The following MLIP variants were observed in gnomAD, a reference collection of about 807,000 sequenced individuals.
The protein encoded by MLIP is muscular LMNA interacting protein, also known as muscular LMNA-interacting protein.
In MLIP, 79 loss-of-function variants were observed where a neutral mutation model predicts 84.8. The observed-to-expected ratio is 0.93, with a 90% CI of 0.78 to 1.12. The LOEUF is 1.12. Among genes scored for constraint, MLIP ranks in the 50% most tolerant of loss-of-function variants. The probability of loss-of-function intolerance (pLI) is 0.00; values close to 1 mark genes in which losing one functional copy is unlikely to be tolerated. For synonymous variants in MLIP, 504 were observed against 463.0 expected, an observed-to-expected ratio of 1.09 and a Z score of -1.14; for missense variants, 1,257 against 1,160.6, an observed-to-expected ratio of 1.08 and a Z score of -1.21.
intron 9 of MLIP, among the ~76,000 whole-genome samples, chr6:54,171,173 G>T (rs1775735595): frequency 1.3e-5 from 2 of 151,488 alleles, no homozygotes; most frequent in Admixed American, 6.6e-5. Flanking sequence ...TCCATAGTTA[G>T]AAATTATTTC....
chr6:54,025,234 G>A (rs1763732759), intron 1 of MLIP, among the ~76,000 whole-genome samples: 2 of 152,170 alleles, frequency 1.3e-5, no homozygotes, highest in South Asian at 4.2e-4. Flanking sequence ...TTGGTAACAG[G>A]CACTCACTCA....
At chr6:54,148,540 C>A (rs1005449120) in intron 4 of MLIP, among the ~76,000 whole-genome samples, 1 of 152,056 alleles carries the variant, frequency 6.6e-6, no homozygotes, top group Non-Finnish European at 1.5e-5. Flanking sequence ...AAATTATTGA[C>A]TACTTTGCTG....
intron 12 of MLIP, among the ~76,000 whole-genome samples, chr6:54,238,066 T>C (rs1410136255): frequency 6.6e-6 from 1 of 152,186 alleles, no homozygotes; most frequent in Non-Finnish European, 1.5e-5. Context: ...TTTTTTTATC[T>C]TTGAAGGTAG....
At chr6:54,256,241 C>T (rs540741951) in intron 12 of MLIP, among the ~76,000 whole-genome samples, 169 of 152,114 alleles carry the variant, frequency 1.1e-3, no homozygotes, top group Non-Finnish European at 2.1e-3. Flanking sequence ...TCTGTTGGAA[C>T]AAAGGGAAAC....
intron 9 of MLIP, among the ~76,000 whole-genome samples, chr6:54,177,121 C>G (rs1776369303): frequency 6.6e-6 from 1 of 152,070 alleles, no homozygotes; most frequent in South Asian, 2.1e-4. Context: ...CTAGGCAATA[C>G]CATTCAGGAC....
intron 1 of MLIP, among the ~76,000 whole-genome samples, chr6:54,086,377 C>T (rs776988794): frequency 1.8e-4 from 28 of 152,274 alleles, no homozygotes; most frequent in Middle Eastern, 3.4e-3. Flanking sequence ...TCTTACCCCA[C>T]CTATTTATGT....
chr6:54,174,320 T>C (rs1776064708), intron 9 of MLIP, among the ~76,000 whole-genome samples: 1 of 151,942 alleles, frequency 6.6e-6, no homozygotes, highest in South Asian at 2.1e-4. Flanking sequence ...ACTTCCAAGT[T>C]GTTCTTTATA....
At chr6:54,061,660 G>A (rs914464476) in intron 1 of MLIP, among the ~76,000 whole-genome samples, 1 of 152,290 alleles carries the variant, frequency 6.6e-6, no homozygotes, top group Non-Finnish European at 1.5e-5. Flanking sequence ...ATTAAACACT[G>A]CGCTAGTGTT....
chr6:54,225,039 C>T (rs1780484544), intron 11 of MLIP, among the ~76,000 whole-genome samples: 1 of 152,140 alleles, frequency 6.6e-6, no homozygotes, highest in African/African-American at 2.4e-5. Context: ...GTGAATTGTG[C>T]TGCTATAAAC....
In MLIP at chr6:54,119,346, T is replaced by C. The variant is rs77893641; in HGVS notation, c.97-2101T>C. 2.4e-3 allele frequency among the ~76,000 whole-genome samples: 370 copies of C among 152,338 alleles called. 1 individual carries two copies. The highest frequency in any genetic ancestry group is 8.5e-3 in the African/African-American group (353 of 41,576). Reference sequence around the variant, plus strand: ...AATGTAGTACATATACACAGTGGAATACTATTCAGCTATGAAAAGAATGGA... The same window carrying C: ...AATGTAGTACATATACACAGTGGAACACTATTCAGCTATGAAAAGAATGGA... On this transcript the variant is annotated intron_variant, in intron 1 of 13. Coordinates refer to ENST00000502396, the MANE Select transcript of MLIP (RefSeq NM_001281747.2).
At chr6:54,102,465 T>A (rs918725721) in intron 1 of MLIP, among the ~76,000 whole-genome samples, 6 of 152,114 alleles carry the variant, frequency 3.9e-5, no homozygotes, top group African/African-American at 1.4e-4. Flanking sequence ...CCCTGGCCTC[T>A]CACACAACCC....
At chr6:54,163,316 A>G (rs955015577) in intron 8 of MLIP, among the ~76,000 whole-genome samples, 1 of 151,772 alleles carries the variant, frequency 6.6e-6, no homozygotes, top group African/African-American at 2.4e-5. Flanking sequence ...TAATTTTTAC[A>G]TTCAATTAGA....
intron 12 of MLIP, among the ~76,000 whole-genome samples, chr6:54,252,651 G>A (rs1035484154): frequency 6.6e-6 from 1 of 150,924 alleles, no homozygotes; most frequent in Non-Finnish European, 1.5e-5. Flanking sequence ...GGAGTGGTGG[G>A]GACTATGTTT....
chr6:54,043,578 C>T (rs933861899), intron 1 of MLIP, among the ~76,000 whole-genome samples: 24 of 152,184 alleles, frequency 1.6e-4, no homozygotes, highest in African/African-American at 5.8e-4. Context: ...GTTCTCTACC[C>T]ACTTCTGTGT....
At chr6:54,110,352 C>T (rs147266830), upstream of MLIP, among the ~76,000 whole-genome samples, 22 of 152,138 alleles carry the variant, frequency 1.4e-4, no homozygotes, top group East Asian at 2.9e-3. Context: ...GTTTTATATT[C>T]TCAAACCATT....
chr6:54,088,027 C>T (rs997198673), intron 1 of MLIP, among the ~76,000 whole-genome samples: 1 of 152,088 alleles, frequency 6.6e-6, no homozygotes, highest in Non-Finnish European at 1.5e-5. Flanking sequence ...CAGAAACGGC[C>T]ATGGTATCAT....
At chr6:54,050,118 A>G (rs1286977190) in intron 1 of MLIP, among the ~76,000 whole-genome samples, 1 of 152,142 alleles carries the variant, frequency 6.6e-6, no homozygotes, top group Non-Finnish European at 1.5e-5. Flanking sequence ...TAAAGTAAAC[A>G]TCTGAAGCTC....
At position 54,124,639 on chromosome 6, in the gene MLIP, A is replaced by T; in HGVS notation, c.419A>T (p.Tyr140Phe). The stretch of plus-strand genomic sequence containing the variant: ...CAAAGTGACCTCTTCAAAGCTGAAT[A>T]TGTCCTTATTGTGGACTCCGAAGGG... ...MQQSDLFKAE[Y>F]VLIVDSEGED... is the part of the protein sequence containing the mutation. Residue 140 changes from tyrosine (Y) to phenylalanine (F), a missense_variant, in exon 3 of 14, where the codon TAT becomes TTT. Physicochemically the swap from Tyr to Phe is conservative, Grantham distance 22. Transcript: ENST00000502396. The T allele has an allele frequency of 6.2e-7, 1 of 1,614,196 alleles. No homozygotes were observed. The highest frequency in any genetic ancestry group is 8.5e-7 in the Non-Finnish European group (1 of 1,180,028).
At chr6:54,204,222 CAAAT>C (rs1778890045) in intron 11 of MLIP, among the ~76,000 whole-genome samples, 1 of 152,028 alleles carries the variant, frequency 6.6e-6, no homozygotes, top group Non-Finnish European at 1.5e-5. Context: ...TTATAGACCT[CAAAT>C]TAAATTAAAT....
Sources: gnomAD v4.1 joint callset for allele counts (sites outside exome capture counted in the v4.1 genomes callset) on GRCh38, gnomAD v4.1.1 for gene constraint, MANE v1.5 for transcripts, NCBI Gene and HGNC (gene_info 2026-07-23, HGNC 2026-07-21) for gene names.